Variants in ROBO2 observed in about 807,000 individuals in gnomAD.
ROBO2 encodes the protein roundabout guidance receptor 2.
A neutral mutation model predicts 160.8 loss-of-function variants in ROBO2; 53 were observed. That is an observed-to-expected ratio of 0.33 (90% CI 0.26 to 0.41). The LOEUF is 0.41. ROBO2 is among the 10% of genes least tolerant of loss of function. ROBO2 has a pLI of 1.00. For missense variants in ROBO2, 1,577 were observed against 1,722.4 expected (o/e 0.92, Z 1.49); for synonymous variants, 664 against 611.7 (o/e 1.09, Z -1.26).
chr3:76,451,533 G>T (rs976848558), intron 2 of ROBO2, among the ~76,000 whole-genome samples: 1 of 152,046 alleles, frequency 6.6e-6, no homozygotes, highest in Non-Finnish European at 1.5e-5. Flanking sequence ...TTAAAATTTT[G>T]CTGGGCAAAA....
chr3:77,400,413 G>A (rs1490461710), intron 2 of ROBO2, among the ~76,000 whole-genome samples: 3 of 152,212 alleles, frequency 2.0e-5, no homozygotes, highest in Non-Finnish European at 4.4e-5. Context: ...GAAATCAACC[G>A]TGGATTCTTC....
chr3:76,826,241 C>T (rs1342861545), intron 2 of ROBO2, among the ~76,000 whole-genome samples: 1 of 152,032 alleles, frequency 6.6e-6, no homozygotes, highest in Non-Finnish European at 1.5e-5. Flanking sequence ...CAAGCATGGG[C>T]ATTGCAATTG....
rs1362211814 is a variant in ROBO2, at chr3:76,984,075, C to A, written c.110-113939C>A. Among the ~76,000 whole-genome samples, 4 of 152,248 alleles carry A rather than the reference C, an allele frequency of 2.6e-5. No homozygotes were observed. The East Asian group carries it at 7.8e-4, about 30-fold the overall frequency. ...TAAAACCATCAGATATCATGAGACTCACTCACCATCACAAGAACAGCATGG... is the reference window on the plus strand; with the variant it reads ...TAAAACCATCAGATATCATGAGACTAACTCACCATCACAAGAACAGCATGG... On this transcript the variant is annotated intron_variant, in intron 2 of 26. Transcript: ENST00000487694.
intron 2 of ROBO2, among the ~76,000 whole-genome samples, chr3:77,346,307 T>C (rs193153992): frequency 3.3e-4 from 51 of 152,282 alleles, no homozygotes; most frequent in Admixed American, 2.9e-3. Context: ...ACTTCATTAG[T>C]GTAGTGATTA....
chr3:77,207,169 G>C (rs964760559), intron 2 of ROBO2, among the ~76,000 whole-genome samples: 1 of 152,160 alleles, frequency 6.6e-6, no homozygotes, highest in African/African-American at 2.4e-5. Context: ...TTTATGTTTT[G>C]TTTTTCTCAC....
chr3:76,740,754 C>G (rs1369052836), intron 2 of ROBO2, among the ~76,000 whole-genome samples: 3 of 151,992 alleles, frequency 2.0e-5, no homozygotes, highest in African/African-American at 7.2e-5. Context: ...AAAATTATTG[C>G]TAACATAAAG....
intron 2 of ROBO2, among the ~76,000 whole-genome samples, chr3:77,308,096 T>A (rs75697160): frequency 2.3e-5 from 3 of 132,154 alleles, no homozygotes; most frequent in Admixed American, 2.2e-4. Flanking sequence ...AGATATTTCT[T>A]TTTTTTTTTT....
chr3:77,037,883 G>A (rs942511817), upstream of ROBO2, among the ~76,000 whole-genome samples: 5 of 152,138 alleles, frequency 3.3e-5, no homozygotes, highest in Non-Finnish European at 7.4e-5. Flanking sequence ...CTGCATTATT[G>A]TATTAGGAAG....
At chr3:77,060,817 A>G (rs2066224308) in intron 1 of ROBO2, among the ~76,000 whole-genome samples, 1 of 152,224 alleles carries the variant, frequency 6.6e-6, no homozygotes, top group Non-Finnish European at 1.5e-5. Context: ...TTCTGTAACT[A>G]ACAGGCACCA....
At chr3:76,285,473 C>A (rs1708462277) in intron 2 of ROBO2, among the ~76,000 whole-genome samples, 1 of 151,694 alleles carries the variant, frequency 6.6e-6, no homozygotes, top group Non-Finnish European at 1.5e-5. Flanking sequence ...ATCTAAAAGT[C>A]AAAAATTTAA....
At chr3:76,128,918 A>G (rs1482706561) in intron 2 of ROBO2, among the ~76,000 whole-genome samples, 1 of 152,162 alleles carries the variant, frequency 6.6e-6, no homozygotes, top group Non-Finnish European at 1.5e-5. Flanking sequence ...GTTTGCGTAT[A>G]GAGCAGTAAC....
intron 2 of ROBO2, among the ~76,000 whole-genome samples, chr3:76,147,422 G>C (rs144899551): frequency 2.6e-5 from 4 of 151,368 alleles, no homozygotes; most frequent in African/African-American, 9.7e-5. Context: ...GTGTGCATAC[G>C]CATATTTTGT....
intron 2 of ROBO2, among the ~76,000 whole-genome samples, chr3:77,334,099 A>G (rs572163563): frequency 5.9e-5 from 9 of 152,306 alleles, no homozygotes; most frequent in Non-Finnish European, 1.0e-4. Flanking sequence ...TAATGCCTAA[A>G]TGAACTCAAC....
At chr3:76,222,846 C>A (rs1255599543) in intron 2 of ROBO2, among the ~76,000 whole-genome samples, 1 of 152,018 alleles carries the variant, frequency 6.6e-6, no homozygotes, top group Non-Finnish European at 1.5e-5. Context: ...CCTCCGCCAC[C>A]CGGGTTCAAG....
intron 2 of ROBO2, among the ~76,000 whole-genome samples, chr3:77,404,467 A>T (rs1275108041): frequency 6.6e-6 from 1 of 152,206 alleles, no homozygotes; most frequent in East Asian, 1.9e-4. Context: ...CAAATAACAA[A>T]GGATCATAAA....
chr3:76,100,534 G>C (rs2069641683), intron 2 of ROBO2, among the ~76,000 whole-genome samples: 1 of 152,132 alleles, frequency 6.6e-6, no homozygotes, highest in African/African-American at 2.4e-5. Context: ...ATATTGAATA[G>C]AGTTGAACAT....
intron 23 of ROBO2, among the ~76,000 whole-genome samples, chr3:77,623,673 A>G (rs2094946599): frequency 1.3e-5 from 2 of 152,200 alleles, no homozygotes; most frequent in African/African-American, 2.4e-5. Context: ...AGCACAAGTT[A>G]AAATCTTCAA....
chr3:76,216,389 A>G (rs1406401121), intron 2 of ROBO2, among the ~76,000 whole-genome samples: 2 of 152,186 alleles, frequency 1.3e-5, no homozygotes, highest in Non-Finnish European at 2.9e-5. Flanking sequence ...GTCAAGACCC[A>G]TCAGTGTGCT....
At position 76,903,558 on chromosome 3, in the gene ROBO2, C is replaced by G. The variant is rs1577365676; in HGVS notation, c.110-194456C>G. Among the ~76,000 whole-genome samples, 3 of 152,122 alleles carry G rather than the reference C, an allele frequency of 2.0e-5. No individual in the cohort carries two copies. In the South Asian group the frequency reaches 6.2e-4, roughly 32 times the overall value. ...AGAAAGTTTTTCTCCATCCCCCACA[C>G]CATCCCAGTACTGGTAGTTTATAAA... On this transcript the variant is annotated intron_variant, in intron 2 of 26. Transcript: ENST00000487694.
Sources: gnomAD v4.1 joint callset for allele counts (sites outside exome capture counted in the v4.1 genomes callset) on GRCh38, gnomAD v4.1.1 for gene constraint, MANE v1.5 for transcripts, NCBI Gene and HGNC (gene_info 2026-07-23, HGNC 2026-07-21) for gene names.